Variants in GPR107 observed in about 807,000 individuals in gnomAD.
GPR107 encodes the protein protein GPR107.
GPR107 carries 31 observed loss-of-function variants against 75.5 expected under a neutral mutation model. The ratio of observed to expected loss-of-function variants is 0.41; its 90% confidence interval spans 0.31 to 0.55. The LOEUF (loss-of-function observed/expected upper bound fraction) is 0.55. Among genes scored for constraint, GPR107 ranks in the 20% least tolerant of loss-of-function variants. The probability of loss-of-function intolerance (pLI) is 0.26; values close to 1 mark genes in which losing one functional copy is unlikely to be tolerated. For synonymous variants in GPR107, 267 were observed against 251.3 expected (o/e 1.06, Z -0.59); for missense variants, 572 against 665.7 (o/e 0.86, Z 1.55).
intron 5 of GPR107, among the ~76,000 whole-genome samples, chr9:130,082,768 C>T (rs1449727524): frequency 2.0e-5 from 3 of 152,052 alleles, no homozygotes; most frequent in Non-Finnish European, 2.9e-5. Context: ...CATGAGCCAC[C>T]GCACCCAGCC....
intron 14 of GPR107, chr9:130,110,342 A>C: frequency 7.0e-7 from 1 of 1,420,472 alleles, no homozygotes; most frequent in Non-Finnish European, 9.7e-7. Context: ...CTGGGCACAC[A>C]AGGCAGTTTC....
chr9:130,062,787 A>G (rs925689095), intron 1 of GPR107, among the ~76,000 whole-genome samples: 1 of 150,752 alleles, frequency 6.6e-6, no homozygotes, highest in Non-Finnish European at 1.5e-5. Flanking sequence ...TGGTGCAATC[A>G]TAGCTCACTG....
chr9:130,128,540 G>C, intron 16 of GPR107, 100 bp from the exon 17 acceptor site: 2 of 962,902 alleles, frequency 2.1e-6, no homozygotes, highest in Non-Finnish European at 3.3e-6. Flanking sequence ...ACCATCGAGT[G>C]GTGGGTTGTG....
intron 8 of GPR107, 51 bp from the exon 9 acceptor site, chr9:130,092,197 A>T (rs761651274): frequency 6.6e-7 from 1 of 1,510,002 alleles, no homozygotes; most frequent in South Asian, 1.1e-5. Context: ...ATTGCTGAAT[A>T]AGGGATGATA....
At chr9:130,062,271 G>A (rs960864710) in intron 1 of GPR107, among the ~76,000 whole-genome samples, 16 of 151,448 alleles carry the variant, frequency 1.1e-4, no homozygotes, top group African/African-American at 3.6e-4. Flanking sequence ...AAAATTAGCC[G>A]GCGTGGTGGC....
At chr9:130,096,026 A>G (rs981448099) in intron 9 of GPR107, among the ~76,000 whole-genome samples, 7 of 118,340 alleles carry the variant, frequency 5.9e-5, no homozygotes, top group Non-Finnish European at 1.3e-4. Context: ...GCTTGCTAGT[A>G]TGTATCAGGC....
chr9:130,060,074 T>TG (rs1456911541), intron 1 of GPR107, among the ~76,000 whole-genome samples: 1 of 150,454 alleles, frequency 6.6e-6, no homozygotes, highest in Admixed American at 6.7e-5. Flanking sequence ...GGGGGGAGGT[T>TG]GGGGGGCGCA....
rs1830148037 is a variant in GPR107 at position 130,069,516 on chromosome 9, C to T, written c.142-6120C>T. On this transcript the variant is annotated intron_variant, in intron 1 of 17. Coordinates refer to ENST00000347136, the MANE Select transcript of GPR107 (RefSeq NM_020960.5). ...GTCACATCCTCCTCGCTTGTACTTT[C>T]TTCAGTCTCAAGATATCTATGCCTC... Among the ~76,000 whole-genome samples, 3 of 152,170 alleles carry T rather than the reference C, an allele frequency of 2.0e-5. No individual in the cohort carries two copies. The South Asian group carries it at 6.2e-4, about 31-fold the overall frequency.
chr9:130,116,701 C>A (rs1403782078), intron 14 of GPR107, among the ~76,000 whole-genome samples: 1 of 152,082 alleles, frequency 6.6e-6, no homozygotes, highest in Non-Finnish European at 1.5e-5. Flanking sequence ...GCTCTAGAAT[C>A]GAAGGTAAAT....
intron 17 of GPR107, among the ~76,000 whole-genome samples, chr9:130,131,520 C>T (rs1831827536): frequency 6.6e-6 from 1 of 152,158 alleles, no homozygotes; most frequent in African/African-American, 2.4e-5. Context: ...CCTCTTCGCA[C>T]TCCCAGGACT....
chr9:130,066,896 G>A (rs1282053123), intron 1 of GPR107, among the ~76,000 whole-genome samples: 5 of 152,100 alleles, frequency 3.3e-5, no homozygotes, highest in African/African-American at 7.2e-5. Flanking sequence ...TGAGGCGGGA[G>A]AATGGCGTGA....
chr9:130,124,842 G>A, intron 14 of GPR107, 73 bp from the exon 15 acceptor site: 1 of 861,312 alleles, frequency 1.2e-6, no homozygotes. Context: ...TGACTGAGAA[G>A]GTATCTGAAT....
intron 1 of GPR107, among the ~76,000 whole-genome samples, chr9:130,068,354 T>TC (rs57421460): frequency 2.0e-5 from 3 of 152,086 alleles, no homozygotes; most frequent in African/African-American, 7.2e-5. Flanking sequence ...GCTTTTTTTT[T>TC]CTTCTCTTTT....
chr9:130,123,527 T>G, intron 14 of GPR107, among the ~76,000 whole-genome samples: 1 of 13,058 alleles, frequency 7.7e-5, no homozygotes. Flanking sequence ...TTTCTTTTCT[T>G]TTCTTTTTTT....
chr9:130,064,213 C>T (rs1429635407), intron 1 of GPR107, among the ~76,000 whole-genome samples: 3 of 64,104 alleles, frequency 4.7e-5, no homozygotes, highest in Admixed American at 2.2e-4. Context: ...TTTTTTGAGA[C>T]GGAGTCTCGC....
chr9:130,138,470 C>T lies in GPR107; in HGVS notation c.*3349C>T, dbSNP rs1362996500. 3 of 133,720 alleles carry T rather than the reference C, an allele frequency of 2.2e-5. No individual in the cohort carries two copies. In the South Asian group the frequency reaches 8.8e-4, roughly 39 times the overall value. The allele number at this position is 133,720 out of a possible 1,614,324, so 8.3% of individuals were successfully genotyped here. Reference sequence around the variant, plus strand: ...TTCCCCATCCCCTCCCCCTCCTCCTCTGCCCTCGCCCTTACCCCTCCCCCT... The same window carrying T: ...TTCCCCATCCCCTCCCCCTCCTCCTTTGCCCTCGCCCTTACCCCTCCCCCT... On this transcript the variant is annotated 3_prime_UTR_variant, in exon 18 of 18. Coordinates refer to ENST00000347136, the MANE Select transcript of GPR107 (RefSeq NM_020960.5).
intron 1 of GPR107, among the ~76,000 whole-genome samples, chr9:130,075,240 CCTT>C (rs1383531907): frequency 9.1e-6 from 1 of 109,756 alleles, no homozygotes; most frequent in Non-Finnish European, 1.7e-5. Context: ...TTTTCTTTTA[CCTT>C]TTTTTTTTTT....
At position 130,127,492 on chromosome 9, in the gene GPR107, T is replaced by TA. The variant is rs1831716491; in HGVS notation, c.1367dup (p.Tyr456Ter). ...TTTCCTCCTCATGCAGATTGTGTGTTACATATACTTCACTAGGATCATTGC... is the reference window on the plus strand; with the variant it reads ...TTTCCTCCTCATGCAGATTGTGTGTTAACATATACTTCACTAGGATCATTGC... ...FRHYYVLIVC[Y>*]IYFTRIIAFL... The change falls in exon 16 of 18, where the codon TAC (tyrosine) becomes TAAC (stop). Residue 456 changes from tyrosine to a stop codon, truncating the protein, a stop_gained and frameshift_variant. Coordinates refer to ENST00000347136, the MANE Select transcript of GPR107 (RefSeq NM_020960.5). LOFTEE classifies it high-confidence loss of function. 1.3e-6 allele frequency: 2 copies of TA among 1,569,282 alleles called. No homozygotes were observed. The highest frequency in any genetic ancestry group is 1.1e-5 in the South Asian group (1 of 90,102).
intron 7 of GPR107, among the ~76,000 whole-genome samples, chr9:130,089,168 T>A (rs1589503058): frequency 6.7e-6 from 1 of 150,164 alleles, no homozygotes; most frequent in African/African-American, 2.4e-5. Context: ...AGACTCCATC[T>A]CAAAAAAAAA....
Sources: allele counts gnomAD v4.1 joint callset (sites outside exome capture counted in the v4.1 genomes callset), GRCh38; gene constraint gnomAD v4.1.1; transcripts MANE v1.5; gene names NCBI Gene and HGNC (gene_info 2026-07-23, HGNC 2026-07-21).